The following DCC variants were observed in gnomAD, a reference collection of about 807,000 sequenced individuals.
The protein encoded by DCC is netrin receptor DCC.
Under a neutral mutation model 172.5 loss-of-function variants are expected in DCC, and 58 were observed. The observed-to-expected ratio is 0.34, with a 90% CI of 0.27 to 0.42. The LOEUF (loss-of-function observed/expected upper bound fraction) is 0.42, where lower values mean the gene tolerates loss of function less well. Among genes scored for constraint, DCC ranks in the 10% least tolerant of loss-of-function variants. The pLI, the probability that DCC is intolerant of heterozygous loss-of-function variation, is 1.00. For synonymous variants in DCC, 709 were observed against 644.5 expected (o/e 1.10, Z -1.52); for missense variants, 1,740 against 1,791.0 (o/e 0.97, Z 0.51).
intron 1 of DCC, among the ~76,000 whole-genome samples, chr18:52,492,364 G>A (rs1444381999): frequency 6.6e-6 from 1 of 151,880 alleles, no homozygotes; most frequent in Non-Finnish European, 1.5e-5. Flanking sequence ...GATAAGAGTG[G>A]TCAACGAAGG....
At chr18:52,508,911 A>C (rs2031330877) in intron 1 of DCC, among the ~76,000 whole-genome samples, 1 of 152,254 alleles carries the variant, frequency 6.6e-6, no homozygotes, top group Non-Finnish European at 1.5e-5. Context: ...CTAGATTTGC[A>C]CTGCCAAGCA....
At chr18:52,359,976 C>A (rs1984547904) in intron 1 of DCC, among the ~76,000 whole-genome samples, 1 of 152,086 alleles carries the variant, frequency 6.6e-6, no homozygotes, top group Non-Finnish European at 1.5e-5. Flanking sequence ...CATAACATGT[C>A]CTTAATTAAG....
intron 1 of DCC, among the ~76,000 whole-genome samples, chr18:52,653,638 G>A (rs2035187656): frequency 6.6e-6 from 1 of 152,214 alleles, no homozygotes; most frequent in African/African-American, 2.4e-5. Flanking sequence ...GTTTTAGCAT[G>A]AGTAGGAGTT....
chr18:53,143,759 TG>T (rs1222823708), intron 7 of DCC, among the ~76,000 whole-genome samples: 6 of 152,390 alleles, frequency 3.9e-5, no homozygotes, highest in African/African-American at 1.4e-4. Context: ...GGCATCAAGT[TG>T]TGAACTTTAC....
In DCC at chr18:52,950,209, G is replaced by A. The variant is rs188629226; in HGVS notation, c.985+24839G>A. ...CATCAAGTTATCCCCCAGAATAGGG[G>A]CTTTTAGGGAAATTCCACAGAAACC... is the stretch of plus-strand genomic sequence containing the variant. On this transcript the variant is annotated intron_variant, in intron 5 of 28. Coordinates refer to ENST00000442544, the MANE Select transcript of DCC (RefSeq NM_005215.4). Among the ~76,000 whole-genome samples the A allele has an allele frequency of 1.7e-3, 263 of 152,196 alleles. 1 individual carries two copies. Among genetic ancestry groups the A allele is most frequent in the Non-Finnish European group, 3.1e-3 (208 of 68,004 alleles).
intron 7 of DCC, among the ~76,000 whole-genome samples, chr18:53,117,028 A>G (rs2043418876): frequency 6.6e-6 from 1 of 151,744 alleles, no homozygotes; most frequent in African/African-American, 2.4e-5. Flanking sequence ...ATGGAAAGTT[A>G]TAATCAATGA....
At chr18:53,100,328 G>A (rs561226755) in intron 7 of DCC, among the ~76,000 whole-genome samples, 2 of 152,068 alleles carry the variant, frequency 1.3e-5, no homozygotes, top group South Asian at 2.1e-4. Flanking sequence ...TTTACTCTGA[G>A]TATCAGGAGA....
rs751201466 is a variant in DCC, at chr18:53,402,890, A to G, written c.2932A>G (p.Thr978Ala). The G allele has an allele frequency of 6.2e-7, 1 of 1,606,476 alleles. No individual in the cohort carries two copies. Among genetic ancestry groups the G allele is most frequent in the Non-Finnish European group, 8.5e-7 (1 of 1,173,006 alleles). ...QPPLEANGKI[T>A]AYILFYTLDK... Reference sequence around the variant, plus strand: ...TCCCTTGGAAGCCAATGGGAAAATTACTGGTAAGCATCTCCACTTTCTCTC... The same window carrying G: ...TCCCTTGGAAGCCAATGGGAAAATTGCTGGTAAGCATCTCCACTTTCTCTC... Residue 978 changes from threonine (T) to alanine (A), a missense_variant, in exon 19 of 29, where the codon ACT becomes GCT. Around this residue, in one of 2 missense-constraint regions of DCC, gnomAD observed 1,732 missense variants for 1,767.4 expected, o/e 0.98. Transcript: ENST00000442544.
rs548334613 is a variant in DCC, at chr18:53,159,787, C to T, written c.1418+2275C>T. Among the ~76,000 whole-genome samples the T allele has an allele frequency of 5.9e-5, 9 of 152,228 alleles. No individual in the cohort carries two copies. In the East Asian group the frequency reaches 1.2e-3, roughly 20 times the overall value. ...CCTACTATTTATCAAATGTGTGATGCTTCTGTATTTAATAATGTATTAAAT... is the reference window on the plus strand; with the variant it reads ...CCTACTATTTATCAAATGTGTGATGTTTCTGTATTTAATAATGTATTAAAT... On this transcript the variant is annotated intron_variant, in intron 8 of 28. Transcript: ENST00000442544.
At chr18:53,200,657 C>A (rs575121988) in intron 9 of DCC, among the ~76,000 whole-genome samples, 1 of 152,202 alleles carries the variant, frequency 6.6e-6, no homozygotes, top group South Asian at 2.1e-4. Flanking sequence ...TGCAGATATT[C>A]CTATAGTCTA....
chr18:53,257,260 G>C (rs1009207018), intron 12 of DCC, among the ~76,000 whole-genome samples: 2 of 152,302 alleles, frequency 1.3e-5, no homozygotes, highest in South Asian at 2.1e-4. Flanking sequence ...TTGAATAGGA[G>C]TGGTGAGAGA....
At chr18:53,483,231 G>T (rs529456848) in intron 25 of DCC, among the ~76,000 whole-genome samples, 1 of 151,674 alleles carries the variant, frequency 6.6e-6, no homozygotes, top group South Asian at 2.1e-4. Context: ...GTCTGTTTAC[G>T]TGTTTATATA....
intron 2 of DCC, among the ~76,000 whole-genome samples, chr18:52,830,168 T>C (rs1400638335): frequency 6.6e-6 from 1 of 152,102 alleles, no homozygotes; most frequent in Non-Finnish European, 1.5e-5. Flanking sequence ...GGAAGCCAAA[T>C]AGTATAAAGC....
At chr18:52,374,448 G>A (rs1985260934) in intron 1 of DCC, among the ~76,000 whole-genome samples, 2 of 151,996 alleles carry the variant, frequency 1.3e-5, no homozygotes, top group South Asian at 4.1e-4. Flanking sequence ...GAAGTATTGG[G>A]AAGGAACTAG....
At position 53,053,941 on chromosome 18, in the gene DCC, A is replaced by G. The variant is rs553066779; in HGVS notation, c.986-9364A>G. ...TTGTGTGAGTCTATGTGTGTGCAGG[A>G]CACTTTATTCTGTGTGATCATATAT... is the stretch of plus-strand genomic sequence containing the variant. On this transcript the variant is annotated intron_variant, in intron 5 of 28. Transcript: ENST00000442544. 7.2e-5 allele frequency among the ~76,000 whole-genome samples: 11 copies of G among 152,232 alleles called. No individual in the cohort carries two copies. In the East Asian group the frequency reaches 1.9e-3, roughly 27 times the overall value.
intron 2 of DCC, among the ~76,000 whole-genome samples, chr18:52,879,907 TAGTA>T (rs2039458579): frequency 1.3e-5 from 2 of 152,120 alleles, no homozygotes; most frequent in South Asian, 2.1e-4. Flanking sequence ...TGTGGGTACA[TAGTA>T]GGTGTATATA....
chr18:52,831,007 AG>A (rs999449026), intron 2 of DCC, among the ~76,000 whole-genome samples: 12 of 152,152 alleles, frequency 7.9e-5, no homozygotes, highest in African/African-American at 2.7e-4. Flanking sequence ...GCATAGGGCA[AG>A]TCTCGGTATT....
intron 2 of DCC, among the ~76,000 whole-genome samples, chr18:52,770,088 A>T (rs17469012): frequency 0.097 from 14,702 of 152,178 alleles, 908 homozygotes; most frequent in Middle Eastern, 0.2. Flanking sequence ...TGCTTTTAGG[A>T]TCAAATATAA....
intron 5 of DCC, among the ~76,000 whole-genome samples, chr18:53,041,597 C>T (rs1429823924): frequency 6.6e-6 from 1 of 151,996 alleles, no homozygotes; most frequent in Non-Finnish European, 1.5e-5. Context: ...TCTGTAATTA[C>T]TTTGGGCAGT....
Sources: gnomAD v4.1 joint callset for allele counts (sites outside exome capture counted in the v4.1 genomes callset) on GRCh38, gnomAD v4.1.1 for gene constraint, gnomAD v4.1.1 regional missense constraint, MANE v1.5 for transcripts, NCBI Gene and HGNC (gene_info 2026-07-23, HGNC 2026-07-21) for gene names.